DUOX2: variants seen among roughly 807,000 people sequenced by gnomAD.
DUOX2 encodes dual oxidase 2.
DUOX2 carries 185 observed loss-of-function variants against 183.3 expected under a neutral mutation model. The observed-to-expected ratio is 1.01, with a 90% CI of 0.90 to 1.14. DUOX2 has a LOEUF of 1.14. DUOX2 is among the 50% of genes most tolerant of loss of function. The pLI is 0.00. For synonymous variants in DUOX2, 788 were observed against 812.4 expected, an observed-to-expected ratio of 0.97 and a Z score of 0.51; for missense variants, 1,999 against 2,022.9, an observed-to-expected ratio of 0.99 and a Z score of 0.23.
intron 9 of DUOX2, 139 bp from the exon 10 acceptor site, chr15:45,110,119 G>A: frequency 1.2e-6 from 1 of 832,110 alleles, no homozygotes; most frequent in African/African-American, 1.7e-5. Context: ...GCAGAGATTT[G>A]GTGATGTGCG....
chr15:45,110,593 C>T (rs1483469534), intron 8 of DUOX2, 57 bp downstream of exon 8: 14 of 1,613,728 alleles, frequency 8.7e-6, no homozygotes, highest in Non-Finnish European at 1.0e-5. Context: ...TCACAGGCAC[C>T]TGTCTCCTTC....
chr15:45,107,850 C>CAAAAAAAAAAAAAAAAAAAAAAAAAA (rs36025213), intron 13 of DUOX2, among the ~76,000 whole-genome samples, 197 bp downstream of exon 13: 2 of 48,842 alleles, frequency 4.1e-5, no homozygotes, highest in African/African-American at 1.6e-4. Context: ...GACTCTGCCT[C>CAAAAAAAAAAAAAAAAAAAAAAAAAA]AAAAAAAAAA....
chr15:45,112,439 G>C (rs1418909155), intron 4 of DUOX2, 115 bp downstream of exon 4: 2 of 1,307,584 alleles, frequency 1.5e-6, no homozygotes, highest in Non-Finnish European at 2.1e-6. Context: ...TGCGTAGAGA[G>C]GAAGTGGTTG....
chr15:45,099,726 A>C lies in DUOX2; in HGVS notation c.3351T>G (p.Tyr1117Ter), dbSNP rs766216114. ...TFLRETFLNRYVPFDAAVDFH... is the reference protein window; with the variant it reads ...TFLRETFLNR The stretch of plus-strand genomic sequence containing the variant: ...AGTCCACTGCGGCATCAAAAGGCAC[A>C]TAGCGGTTGAGGAAAGTCTCTCGCA... The change falls in exon 25 of 34, where the codon TAT (tyrosine) becomes TAG (stop). Residue 1117 changes from tyrosine (Y) to a stop codon, truncating the protein, a stop_gained. Transcript: ENST00000389039. LOFTEE classifies it high-confidence loss of function. The C allele has an allele frequency of 3.1e-6, 5 of 1,614,110 alleles. No homozygotes were observed. The highest frequency in any genetic ancestry group is 4.2e-6 in the Non-Finnish European group (5 of 1,180,056).
rs1010604692 is a variant in DUOX2, at chr15:45,113,063, T to A, written c.84A>T (p.Ala28=). The change falls in exon 3 of 34, where the codon GCA becomes GCT. Residue 28 remains alanine, a synonymous_variant. Transcript: ENST00000389039. ...GCTGCACTTCCCAGGGCAGTGAGAGTGCGTCCTGACTGCCTGTGGGCACAG... is the reference window on the plus strand; with the variant it reads ...GCTGCACTTCCCAGGGCAGTGAGAGAGCGTCCTGACTGCCTGTGGGCACAG... ...GSLGPSGSQD[A]LSLPWEVQRY... 1.2e-6 allele frequency: 2 copies of A among 1,613,658 alleles called. No homozygotes were observed. The highest frequency in any genetic ancestry group is 2.7e-5 in the African/African-American group (2 of 74,858).
chr15:45,100,945 AG>A, intron 22 of DUOX2, 107 bp from the exon 23 acceptor site: 1 of 761,974 alleles, frequency 1.3e-6, no homozygotes. Context: ...GGTACCAGGC[AG>A]GGGGCAAGGC....
In DUOX2 at chr15:45,105,686, C is replaced by T. The variant is rs201884203; in HGVS notation, c.2291G>A (p.Arg764Gln). Residue 764 changes from arginine to glutamine, a missense_variant, in exon 18 of 34, where the codon CGG becomes CAG. By Grantham distance (43) the Arg-to-Gln change is conservative (BLOSUM62 1). Transcript: ENST00000389039. ...GAAGAAGATCTCCAGGATGCGTTCC[C>T]GCTGCTGCTTTGTCACAGCCTTCCT... The part of the protein sequence containing the change: ...LFRKAVTKQQ[R>Q]ERILEIFFRH... 8.7e-6 allele frequency: 14 copies of T among 1,614,232 alleles called. No homozygotes were observed. The highest frequency in any genetic ancestry group is 1.6e-4 in the Middle Eastern group (1 of 6,062).
rs988073471 is a variant in DUOX2 at position 45,096,026 on chromosome 15, G to A, written c.3882C>T (p.Gly1294=). The A allele has an allele frequency of 3.7e-6, 6 of 1,614,130 alleles. No individual in the cohort carries two copies. The highest frequency in any genetic ancestry group is 1.6e-4 in the Middle Eastern group (1 of 6,062). The change falls in exon 30 of 34, where the codon GGC becomes GGT. Residue 1294 remains glycine (G), a synonymous_variant. Coordinates refer to ENST00000389039, the MANE Select transcript of DUOX2 (RefSeq NM_001363711.2). ...CCCACTGTCCTGACTTGTACTCAAAGCCTTGGGGCCTCTGGAATTGCAGGT... is the reference window on the plus strand; with the variant it reads ...CCCACTGTCCTGACTTGTACTCAAAACCTTGGGGCCTCTGGAATTGCAGGT... ...VTYLQFQRPQ[G]FEYKSGQWVR...
intron 30 of DUOX2, 112 bp from the exon 31 acceptor site, chr15:45,095,707 AC>A (rs1339848511): frequency 1.3e-6 from 2 of 1,552,006 alleles, no homozygotes; most frequent in Non-Finnish European, 1.8e-6. Flanking sequence ...TTTCTGAGGC[AC>A]CCCGGTCCTC....
chr15:45,103,898 G>T, intron 20 of DUOX2, 62 bp downstream of exon 20: 1 of 1,571,444 alleles, frequency 6.4e-7, no homozygotes, highest in Non-Finnish European at 8.8e-7. Flanking sequence ...CCTCTGACTG[G>T]ACCTGTTTTC....
chr15:45,093,429 T>C lies in DUOX2; in HGVS notation c.*721A>G, dbSNP rs914176149. 1 of 152,576 alleles carries C rather than the reference T, an allele frequency of 6.6e-6. No homozygotes were observed. Among genetic ancestry groups the C allele is most frequent in the African/African-American group, 2.4e-5 (1 of 41,432 alleles). The allele number at this position is 152,576 out of a possible 1,614,324, so 9.5% of individuals were successfully genotyped here. ...CTGGTGACATCAAGAATATCAGGGCTGGGGAGGCATCTTTGTTTCCTGGTG... is the reference window on the plus strand; with the variant it reads ...CTGGTGACATCAAGAATATCAGGGCCGGGGAGGCATCTTTGTTTCCTGGTG... On this transcript the variant is annotated 3_prime_UTR_variant, in exon 34 of 34. Coordinates refer to ENST00000389039, the MANE Select transcript of DUOX2 (RefSeq NM_001363711.2).
chr15:45,112,835 G>A (rs2141159857), intron 3 of DUOX2, 117 bp from the exon 4 acceptor site: 3 of 1,561,686 alleles, frequency 1.9e-6, no homozygotes, highest in Admixed American at 1.7e-5. Context: ...CTTCCCTCAA[G>A]GGTCTCTTGG....
At chr15:45,102,931 G>A (rs1414517222) in intron 20 of DUOX2, among the ~76,000 whole-genome samples, 6 of 152,198 alleles carry the variant, frequency 3.9e-5, no homozygotes, top group South Asian at 2.1e-4. Flanking sequence ...GCAGTGAGCC[G>A]AGATCGTGGC....
chr15:45,095,671 A>G, intron 30 of DUOX2, 76 bp from the exon 31 acceptor site: 1 of 1,604,696 alleles, frequency 6.2e-7, no homozygotes, highest in Non-Finnish European at 8.5e-7. Flanking sequence ...ACACAGGCAG[A>G]GGGAGGATAC....
At position 45,095,968 on chromosome 15, in the gene DUOX2, C is replaced by T. The variant is rs759698581; in HGVS notation, c.3940G>A (p.Glu1314Lys). 24 of 1,613,902 alleles carry T rather than the reference C, an allele frequency of 1.5e-5. No homozygotes were observed. Among genetic ancestry groups the T allele is most frequent in the South Asian group, 1.2e-4 (11 of 91,062 alleles). Residue 1314 changes from glutamate to lysine, a missense_variant, in exon 30 of 34, where the codon GAG becomes AAG. Coordinates refer to ENST00000389039, the MANE Select transcript of DUOX2 (RefSeq NM_001363711.2). ...GAGGTCAGTGTGAAGGGGTGGTACT[C>T]GGTGGTCCCCAGAGCCAGGCAGGCG... ...RIACLALGTT[E>K]YHPFTLTSAP...
In DUOX2 at chr15:45,100,097, G is replaced by A. The variant is rs1894036825; in HGVS notation, c.3137C>T (p.Ala1046Val). The A allele has an allele frequency of 6.2e-7, 1 of 1,614,122 alleles. No individual in the cohort carries two copies. Among genetic ancestry groups the A allele is most frequent in the African/African-American group, 1.3e-5 (1 of 74,942 alleles). ...ENYRRHIVCVAIFSAICVGVF... is the reference protein window; with the variant it reads ...ENYRRHIVCVVIFSAICVGVF... ...GCCAACACAGATGGCCGAGAAGATT[G>A]CCACACACACGATGTGCCTCCGGTA... Residue 1046 changes from alanine to valine, a missense_variant, in exon 24 of 34, where the codon GCA becomes GTA. Physicochemically the swap from Ala to Val is moderately conservative, Grantham distance 64. Coordinates refer to ENST00000389039, the MANE Select transcript of DUOX2 (RefSeq NM_001363711.2).
intron 20 of DUOX2, among the ~76,000 whole-genome samples, chr15:45,102,814 T>C (rs1253687197): frequency 6.6e-6 from 1 of 152,132 alleles, no homozygotes; most frequent in African/African-American, 2.4e-5. Flanking sequence ...AAACCCCATC[T>C]CTACTAAAAA....
At chr15:45,107,298 C>T (rs1323703732) in intron 14 of DUOX2, 47 bp downstream of exon 14, 3 of 1,607,384 alleles carry the variant, frequency 1.9e-6, no homozygotes, top group Non-Finnish European at 2.6e-6. Flanking sequence ...CAATCTTGAT[C>T]CTTCTCTGGC....
intron 8 of DUOX2, 32 bp from the exon 9 acceptor site, chr15:45,110,556 C>A: frequency 1.2e-6 from 2 of 1,613,976 alleles, no homozygotes; most frequent in South Asian, 1.1e-5. Flanking sequence ...GATGGGGAGA[C>A]AGGCTTCTTG....
Sources: gnomAD v4.1 joint callset for allele counts (sites outside exome capture counted in the v4.1 genomes callset) on GRCh38, gnomAD v4.1.1 for gene constraint, MANE v1.5 for transcripts, NCBI Gene and HGNC (gene_info 2026-07-23, HGNC 2026-07-21) for gene names.